Variants in CPA6 observed in about 807,000 individuals in gnomAD.
CPA6 encodes the protein carboxypeptidase B.
Under a neutral mutation model 63.3 loss-of-function variants are expected in CPA6, and 58 were observed. That is an observed-to-expected ratio of 0.92 (90% CI 0.74 to 1.14). The LOEUF is 1.14. CPA6 is among the 50% of genes most tolerant of loss of function. The pLI is 0.00. For missense variants in CPA6, 565 were observed against 526.6 expected (o/e 1.07, Z -0.71); for synonymous variants, 185 against 179.0 (o/e 1.03, Z -0.27).
chr8:67,508,809 T>C (rs567697755), intron 5 of CPA6, among the ~76,000 whole-genome samples: 1 of 152,178 alleles, frequency 6.6e-6, no homozygotes, highest in Admixed American at 6.5e-5. Context: ...CAGAAGAGAA[T>C]GCAGGGTCAA....
intron 9 of CPA6, among the ~76,000 whole-genome samples, chr8:67,428,725 G>A (rs369305485): frequency 5.3e-5 from 8 of 151,930 alleles, no homozygotes. Flanking sequence ...CCTTGTGATC[G>A]GCCCACCTCG....
intron 1 of CPA6, among the ~76,000 whole-genome samples, chr8:67,682,348 T>G (rs1028434721): frequency 2.0e-5 from 3 of 152,238 alleles, no homozygotes; most frequent in African/African-American, 7.2e-5. Flanking sequence ...TTTTCCATTT[T>G]TACAACTGTA....
At chr8:67,443,065 T>C (rs949866442) in intron 8 of CPA6, among the ~76,000 whole-genome samples, 4 of 141,500 alleles carry the variant, frequency 2.8e-5, no homozygotes, top group East Asian at 2.1e-4. Flanking sequence ...TCCTAGCCTA[T>C]TCTTTTTTTT....
chr8:67,535,299 T>C (rs1439588704), intron 2 of CPA6, among the ~76,000 whole-genome samples: 1 of 152,248 alleles, frequency 6.6e-6, no homozygotes, highest in Non-Finnish European at 1.5e-5. Flanking sequence ...TTCACAATGA[T>C]TGAACTAATT....
At chr8:67,516,305 T>G (rs1156389132) in intron 3 of CPA6, among the ~76,000 whole-genome samples, 2 of 152,250 alleles carry the variant, frequency 1.3e-5, no homozygotes, top group African/African-American at 4.8e-5. Context: ...CAGTCTTAAG[T>G]AGATCCACCA....
chr8:67,677,159 A>G (rs563463893), intron 1 of CPA6, among the ~76,000 whole-genome samples: 8 of 152,278 alleles, frequency 5.3e-5, no homozygotes, highest in East Asian at 1.9e-4. Flanking sequence ...GAATCTGCCA[A>G]TATAATTCTT....
intron 8 of CPA6, among the ~76,000 whole-genome samples, chr8:67,480,869 A>G (rs1421183604): frequency 6.6e-6 from 1 of 152,168 alleles, no homozygotes; most frequent in Admixed American, 6.5e-5. Flanking sequence ...AGTAGATGTG[A>G]AGTGGTACCT....
chr8:67,603,987 G>T (rs1193448672), intron 2 of CPA6, among the ~76,000 whole-genome samples: 1 of 152,228 alleles, frequency 6.6e-6, no homozygotes, highest in Non-Finnish European at 1.5e-5. Flanking sequence ...GAAAGGGTGT[G>T]TGAACAGTAA....
chr8:67,464,919 G>T (rs974722359), intron 8 of CPA6, among the ~76,000 whole-genome samples: 1 of 152,134 alleles, frequency 6.6e-6, no homozygotes, highest in Non-Finnish European at 1.5e-5. Flanking sequence ...TAGCCTCATA[G>T]TATAGTTTGA....
intron 1 of CPA6, among the ~76,000 whole-genome samples, chr8:67,738,730 C>T (rs759448094): frequency 6.7e-6 from 1 of 148,668 alleles, no homozygotes; most frequent in Non-Finnish European, 1.5e-5. Context: ...ATGACACTAC[C>T]TGGAACAAGA....
At chr8:67,700,132 C>T (rs1280624382) in intron 1 of CPA6, among the ~76,000 whole-genome samples, 1 of 152,168 alleles carries the variant, frequency 6.6e-6, no homozygotes, top group Non-Finnish European at 1.5e-5. Flanking sequence ...TCGTTTTAGT[C>T]TGTTTTAAAC....
intron 2 of CPA6, among the ~76,000 whole-genome samples, chr8:67,617,649 C>G (rs940630100): frequency 3.9e-5 from 6 of 152,310 alleles, no homozygotes; most frequent in Middle Eastern, 3.4e-3. Context: ...TGCTAAATTA[C>G]CACAAGGTTA....
chr8:67,606,719 C>A (rs915259737), intron 2 of CPA6, among the ~76,000 whole-genome samples: 1 of 152,202 alleles, frequency 6.6e-6, no homozygotes, highest in African/African-American at 2.4e-5. Flanking sequence ...TTGGACCCAG[C>A]ATCTGCTCTC....
intron 8 of CPA6, among the ~76,000 whole-genome samples, chr8:67,470,360 A>G (rs900762159): frequency 1.2e-4 from 19 of 152,026 alleles, no homozygotes; most frequent in African/African-American, 4.6e-4. Context: ...GCCTCACCAA[A>G]TTGCTTTCTT....
At chr8:67,643,168 A>G (rs1815634221) in intron 1 of CPA6, among the ~76,000 whole-genome samples, 1 of 152,236 alleles carries the variant, frequency 6.6e-6, no homozygotes, top group African/African-American at 2.4e-5. Context: ...ATCATCCTTA[A>G]TAAGCAGGAA....
At chr8:67,476,551 C>CTT (rs1162086045) in intron 8 of CPA6, among the ~76,000 whole-genome samples, 3 of 121,172 alleles carry the variant, frequency 2.5e-5, no homozygotes, top group African/African-American at 8.5e-5. Context: ...CTCTCTCTCT[C>CTT]TCTTTTTTTT....
At chr8:67,650,061 T>C (rs894069478) in intron 1 of CPA6, among the ~76,000 whole-genome samples, 6 of 152,306 alleles carry the variant, frequency 3.9e-5, no homozygotes, top group African/African-American at 1.4e-4. Context: ...CTTTATTATT[T>C]CCTGTATTAA....
intron 1 of CPA6, among the ~76,000 whole-genome samples, chr8:67,698,523 G>T (rs984445497): frequency 7.9e-5 from 12 of 152,138 alleles, no homozygotes; most frequent in African/African-American, 2.9e-4. Context: ...AGAAAGTTTG[G>T]GAACACATTC....
intron 1 of CPA6, among the ~76,000 whole-genome samples, chr8:67,696,603 G>A (rs1816916812): frequency 6.6e-6 from 1 of 151,872 alleles, no homozygotes; most frequent in African/African-American, 2.4e-5. Flanking sequence ...GCCAAAAATG[G>A]AAACAACACA....
Sources: gnomAD v4.1 joint callset for allele counts (sites outside exome capture counted in the v4.1 genomes callset) on GRCh38, gnomAD v4.1.1 for gene constraint, MANE v1.5 for transcripts, NCBI Gene and HGNC (gene_info 2026-07-23, HGNC 2026-07-21) for gene names.